ADAMTS7: variants seen among roughly 807,000 people sequenced by gnomAD.
The protein encoded by ADAMTS7 is A disintegrin and metalloproteinase with thrombospondin motifs 7.
A neutral mutation model predicts 172.6 loss-of-function variants in ADAMTS7; 89 were observed. The observed-to-expected ratio is 0.52, with a 90% CI of 0.43 to 0.61. The LOEUF (loss-of-function observed/expected upper bound fraction) is 0.61. Among genes scored for constraint, ADAMTS7 ranks in the 20% least tolerant of loss-of-function variants. The probability of loss-of-function intolerance (pLI) is 0.00; values close to 1 mark genes in which losing one functional copy is unlikely to be tolerated. For synonymous variants in ADAMTS7, 885 were observed against 978.4 expected, an observed-to-expected ratio of 0.90 and a Z score of 1.78; for missense variants, 1,973 against 2,355.6, an observed-to-expected ratio of 0.84 and a Z score of 3.36.
intron 16 of ADAMTS7, among the ~76,000 whole-genome samples, chr15:78,769,571 G>A (rs2055213270): frequency 6.6e-6 from 1 of 152,202 alleles, no homozygotes; most frequent in Non-Finnish European, 1.5e-5. Flanking sequence ...AACACTGCAA[G>A]AGCCCTGGAA....
At chr15:78,768,030 TGG>T (rs1185775389) in intron 17 of ADAMTS7, 101 bp downstream of exon 17, 57 of 570,042 alleles carry the variant, frequency 1.0e-4, no homozygotes, top group Middle Eastern at 4.8e-4. Flanking sequence ...TGCCTGGGGG[TGG>T]GGAGTTGGCG....
chr15:78,769,324 C>T (rs192343335), intron 16 of ADAMTS7, among the ~76,000 whole-genome samples: 192 of 152,296 alleles, frequency 1.3e-3, no homozygotes, highest in African/African-American at 4.5e-3. Context: ...CCCCCTGCCC[C>T]GTGGTCCCGA....
chr15:78,772,215 G>A (rs567556938), intron 14 of ADAMTS7, among the ~76,000 whole-genome samples: 14 of 152,198 alleles, frequency 9.2e-5, no homozygotes, highest in Admixed American at 6.5e-4. Context: ...CACCCATCAC[G>A]TGCCAGGCAC....
chr15:78,779,980 G>A (rs1177999690), intron 8 of ADAMTS7, among the ~76,000 whole-genome samples: 1 of 147,432 alleles, frequency 6.8e-6, no homozygotes, highest in Non-Finnish European at 1.5e-5. Flanking sequence ...AGGCCGAGGT[G>A]CTGTCTTGGG....
chr15:78,764,194 C>G, intron 20 of ADAMTS7, 95 bp from the exon 21 acceptor site: 1 of 1,405,192 alleles, frequency 7.1e-7, no homozygotes, highest in South Asian at 1.5e-5. Flanking sequence ...TCCAGGCCCA[C>G]GCCCCAGCCC....
intron 8 of ADAMTS7, among the ~76,000 whole-genome samples, chr15:78,780,466 T>G (rs965184049): frequency 3.9e-5 from 6 of 152,226 alleles, no homozygotes; most frequent in African/African-American, 1.4e-4. Context: ...ACCCCACATG[T>G]GACCCAGCCT....
chr15:78,788,338 A>G lies in ADAMTS7; in HGVS notation c.1215T>C (p.Cys405=). 1.2e-6 allele frequency: 2 copies of G among 1,613,306 alleles called. No homozygotes were observed. Among genetic ancestry groups the G allele is most frequent in the South Asian group, 1.1e-5 (1 of 91,032 alleles). Residue 405 remains cysteine, a synonymous_variant, in exon 8 of 24, where the codon TGT becomes TGC. Transcript: ENST00000388820. ...GIQHDGSGND[C]EPVGKRPFIM... is the part of the protein sequence containing the mutation. ...TGAAAGGTCGTTTCCCAACGGGCTC[A>G]CAGTCATTGCCGCTTCCGTCATGCT...
chr15:78,764,583 G>A lies in ADAMTS7; in HGVS notation c.4391C>T (p.Ala1464Val), dbSNP rs2055108773. 2.6e-6 allele frequency: 4 copies of A among 1,557,030 alleles called. No homozygotes were observed. The South Asian group carries it at 4.7e-5, about 18-fold the overall frequency. ...PARRCHLRPC[A>V]TWHSGNWSKC... The stretch of plus-strand genomic sequence containing the variant: ...ACTCCAGTTGCCTGAGTGCCAGGTG[G>A]CACAGGGCCGCAGGTGGCAGCGGCG... The change falls in exon 20 of 24, where the codon GCC becomes GTC. Residue 1464 changes from alanine to valine, a missense_variant. Ala to Val is a moderately conservative substitution (Grantham distance 64, BLOSUM62 0). Transcript: ENST00000388820.
chr15:78,770,017 C>A (rs2141480010), intron 16 of ADAMTS7, among the ~76,000 whole-genome samples: 1 of 152,044 alleles, frequency 6.6e-6, no homozygotes, highest in Admixed American at 6.5e-5. Flanking sequence ...AAAAAATTAG[C>A]CGGGCATGGT....
At chr15:78,768,420 C>CCTCCTCACT (rs1172375169) in intron 16 of ADAMTS7, among the ~76,000 whole-genome samples, 161 bp from the exon 17 acceptor site, 5 of 152,180 alleles carry the variant, frequency 3.3e-5, no homozygotes, top group Non-Finnish European at 7.4e-5. Context: ...TCCACCGTCG[C>CCTCCTCACT]CTCCTCACTG....
intron 14 of ADAMTS7, 140 bp downstream of exon 14, chr15:78,772,943 C>T: frequency 1.7e-6 from 2 of 1,148,276 alleles, no homozygotes; most frequent in Non-Finnish European, 2.5e-6. Context: ...CTGCAAGAAT[C>T]CACCCCAGCA....
Position 78,811,456 on chromosome 15 carries a change from G to A in ADAMTS7, c.-236C>T. 3.1e-6 allele frequency: 1 copy of A among 326,104 alleles called. No individual in the cohort carries two copies. Among genetic ancestry groups the A allele is most frequent in the South Asian group, 1.5e-4 (1 of 6,522 alleles). 20.2% of individuals were successfully genotyped at this position (326,104 alleles called of 1,614,324 possible). On this transcript the variant is annotated 5_prime_UTR_variant, in exon 1 of 24. Coordinates refer to ENST00000388820, the MANE Select transcript of ADAMTS7 (RefSeq NM_014272.5). ...GACAAGAGAGCTAGAAGGAGAGAAA[G>A]AAAGAAAGAAAGAAAGGGAGGGAGA... is the stretch of plus-strand genomic sequence containing the variant.
intron 6 of ADAMTS7, 146 bp from the exon 7 acceptor site, chr15:78,789,984 G>C: frequency 8.4e-7 from 1 of 1,194,692 alleles, no homozygotes; most frequent in Non-Finnish European, 1.2e-6. Flanking sequence ...CCAGCACGGT[G>C]GCCGCTTGGG....
chr15:78,778,959 G>C (rs182104515), intron 8 of ADAMTS7, among the ~76,000 whole-genome samples: 1 of 152,144 alleles, frequency 6.6e-6, no homozygotes, highest in Non-Finnish European at 1.5e-5. Flanking sequence ...GGCTGGGAGG[G>C]TGGATCAGAC....
intron 2 of ADAMTS7, among the ~76,000 whole-genome samples, chr15:78,799,046 G>A (rs2055684416): frequency 6.7e-6 from 1 of 150,024 alleles, no homozygotes; most frequent in South Asian, 2.1e-4. Flanking sequence ...TGCCCCATGT[G>A]CACAGCTGTG....
intron 4 of ADAMTS7, 40 bp downstream of exon 4, chr15:78,796,550 C>T: frequency 6.4e-7 from 1 of 1,569,682 alleles, no homozygotes; most frequent in Non-Finnish European, 8.7e-7. Flanking sequence ...CACCCCCCAA[C>T]ACCATCCCCG....
chr15:78,769,032 G>A (rs912995683), intron 16 of ADAMTS7, among the ~76,000 whole-genome samples: 3 of 152,100 alleles, frequency 2.0e-5, no homozygotes, highest in Non-Finnish European at 2.9e-5. Flanking sequence ...AGCCTTCAGG[G>A]CCCAGTGTGT....
At chr15:78,761,459 C>T (rs975669251) in intron 23 of ADAMTS7, among the ~76,000 whole-genome samples, 3 of 152,178 alleles carry the variant, frequency 2.0e-5, no homozygotes, top group African/African-American at 7.2e-5. Flanking sequence ...TTGGGGATGA[C>T]AGTGGCTGTG....
At chr15:78,800,833 C>T (rs2055715277) in intron 1 of ADAMTS7, among the ~76,000 whole-genome samples, 1 of 152,124 alleles carries the variant, frequency 6.6e-6, no homozygotes, top group Admixed American at 6.5e-5. Flanking sequence ...GAGTGCGTGG[C>T]GCGATCTCGG....
Sources: allele counts gnomAD v4.1 joint callset (sites outside exome capture counted in the v4.1 genomes callset), GRCh38; gene constraint gnomAD v4.1.1; transcripts MANE v1.5; gene names NCBI Gene and HGNC (gene_info 2026-07-23, HGNC 2026-07-21).